RBM27: variants seen among roughly 807,000 people sequenced by gnomAD.
The protein encoded by RBM27 is RNA-binding protein 27.
RBM27 carries 22 observed loss-of-function variants against 135.3 expected under a neutral mutation model. That is an observed-to-expected ratio of 0.16 (90% confidence interval 0.12 to 0.23). The LOEUF (loss-of-function observed/expected upper bound fraction) is 0.23. Among genes scored for constraint, RBM27 ranks in the 10% least tolerant of loss-of-function variants. The pLI is 1.00. For missense variants in RBM27, 1,009 were observed against 1,281.0 expected, an observed-to-expected ratio of 0.79 and a Z score of 3.24; for synonymous variants, 481 against 442.4, an observed-to-expected ratio of 1.09 and a Z score of -1.10.
intron 1 of RBM27, among the ~76,000 whole-genome samples, chr5:146,214,610 TAAG>T (rs1261485990): frequency 2.0e-5 from 3 of 152,200 alleles, no homozygotes; most frequent in African/African-American, 7.2e-5. Flanking sequence ...GGTGAAAGAA[TAAG>T]AATAATTGTA....
chr5:146,264,616 C>T (rs1226075985), intron 14 of RBM27, among the ~76,000 whole-genome samples: 2 of 137,364 alleles, frequency 1.5e-5, no homozygotes, highest in African/African-American at 5.5e-5. Context: ...TATATCTATA[C>T]TATAACTCTT....
chr5:146,245,167 C>A (rs953537235), intron 8 of RBM27: 2 of 151,990 alleles, frequency 1.3e-5, no homozygotes, highest in Non-Finnish European at 2.9e-5. Flanking sequence ...GTATTTGGAC[C>A]CCTAATTTTT....
chr5:146,223,359 G>GT, intron 2 of RBM27, 44 bp from the exon 3 acceptor site: 1 of 1,547,164 alleles, frequency 6.5e-7, no homozygotes, highest in Non-Finnish European at 8.7e-7. Context: ...TCAAATTTTT[G>GT]TTTTTTGTTT....
chr5:146,250,321 G>A (rs945847878), intron 8 of RBM27, among the ~76,000 whole-genome samples: 2 of 150,906 alleles, frequency 1.3e-5, no homozygotes, highest in Admixed American at 6.6e-5. Flanking sequence ...GGCGCCTGTA[G>A]TCCCAGCTAC....
At chr5:146,242,286 T>C (rs1021707438) in intron 8 of RBM27, among the ~76,000 whole-genome samples, 17 of 152,250 alleles carry the variant, frequency 1.1e-4, no homozygotes, top group African/African-American at 2.4e-5. Flanking sequence ...CCCCCCCGTT[T>C]TGTTGTAGAC....
intron 6 of RBM27, 132 bp from the exon 7 acceptor site, chr5:146,233,318 C>T: frequency 7.1e-7 from 1 of 1,405,308 alleles, no homozygotes; most frequent in South Asian, 1.6e-5. Flanking sequence ...CAGAGTAACA[C>T]TGAGACTTTG....
Position 146,271,506 on chromosome 5 carries a change from T to G in RBM27, c.2820T>G (p.Pro940=). 1 of 1,613,166 alleles carries G rather than the reference T, an allele frequency of 6.2e-7. No homozygotes were observed. Among genetic ancestry groups the G allele is most frequent in the Non-Finnish European group, 8.5e-7 (1 of 1,179,270 alleles). ...QVEAARLGIL[P]VGRGKTMSSQ... is the part of the protein sequence containing the mutation. ...AGGCTGCACGGTTAGGTATTTTACC[T>G]GTGGGTCGAGGAAAGACCATGTCCT... Residue 940 remains proline, a synonymous_variant, in exon 19 of 21, where the codon CCT becomes CCG. Transcript: ENST00000265271.
At chr5:146,245,387 T>G (rs1757582712) in intron 8 of RBM27, 1 of 152,174 alleles carries the variant, frequency 6.6e-6, no homozygotes, top group African/African-American at 2.4e-5. Flanking sequence ...AGTAAAAATA[T>G]TTTGTAACTG....
intron 1 of RBM27, among the ~76,000 whole-genome samples, chr5:146,209,391 T>G (rs1197346062): frequency 1.3e-5 from 2 of 152,214 alleles, no homozygotes; most frequent in African/African-American, 4.8e-5. Flanking sequence ...TTTTTGTGAT[T>G]TCTGGCCATA....
chr5:146,224,085 A>T (rs1231080840), intron 3 of RBM27, among the ~76,000 whole-genome samples: 1 of 152,218 alleles, frequency 6.6e-6, no homozygotes, highest in Non-Finnish European at 1.5e-5. Flanking sequence ...CCTGTTATAT[A>T]CAGACAATAT....
intron 1 of RBM27, among the ~76,000 whole-genome samples, chr5:146,211,464 C>CTTTTTTTTTTTTTTTTTTTTTTTTTT (rs57117642): frequency 3.4e-4 from 17 of 49,932 alleles, no homozygotes; most frequent in Non-Finnish European, 4.5e-4. Context: ...ATGGTCTTAT[C>CTTTTTTTTTTTTTTTTTTTTTTTTTT]TTTTTTTTTT....
chr5:146,220,771 T>TTC (rs914201707), intron 2 of RBM27, among the ~76,000 whole-genome samples: 69 of 152,290 alleles, frequency 4.5e-4, no homozygotes, highest in African/African-American at 1.6e-3. Flanking sequence ...TACAGATGTT[T>TTC]TCTTTTCTAA....
At chr5:146,265,312 T>C (rs1008261311) in intron 14 of RBM27, among the ~76,000 whole-genome samples, 1 of 152,072 alleles carries the variant, frequency 6.6e-6, no homozygotes, top group Admixed American at 6.6e-5. Context: ...TATCAGAATA[T>C]ATTAAGTAAA....
chr5:146,227,986 A>G (rs1404213269), intron 3 of RBM27, among the ~76,000 whole-genome samples: 2 of 152,236 alleles, frequency 1.3e-5, no homozygotes, highest in Non-Finnish European at 2.9e-5. Flanking sequence ...TATATATTTC[A>G]TAATGAGGAA....
At chr5:146,249,138 T>C (rs1284250056) in intron 8 of RBM27, among the ~76,000 whole-genome samples, 1 of 151,978 alleles carries the variant, frequency 6.6e-6, no homozygotes, top group Admixed American at 6.6e-5. Context: ...TGCGCCACCA[T>C]GCATGGCTAA....
intron 2 of RBM27, among the ~76,000 whole-genome samples, chr5:146,219,695 C>G (rs34444119): frequency 0.21 from 31,816 of 151,790 alleles, 4,231 homozygotes; most frequent in Admixed American, 0.33. Flanking sequence ...CCAACTCAGG[C>G]CCTTTGAACT....
At chr5:146,257,524 C>T (rs140788487) in intron 10 of RBM27, among the ~76,000 whole-genome samples, 1 of 152,304 alleles carries the variant, frequency 6.6e-6, no homozygotes, top group African/African-American at 2.4e-5. Context: ...TATACTCTCT[C>T]TTCTCTTTCT....
At chr5:146,214,404 C>G (rs1756103139) in intron 1 of RBM27, among the ~76,000 whole-genome samples, 1 of 152,090 alleles carries the variant, frequency 6.6e-6, no homozygotes, top group Non-Finnish European at 1.5e-5. Context: ...AGTACTCTTC[C>G]TGAGTATGAG....
At chr5:146,267,809 G>A (rs745859238) in intron 15 of RBM27, 41 bp downstream of exon 15, 8 of 1,583,902 alleles carry the variant, frequency 5.1e-6, no homozygotes, top group Non-Finnish European at 6.9e-6. Flanking sequence ...AAGAAAAGAT[G>A]CCTTGAATTT....
Sources: gnomAD v4.1 joint callset for allele counts (sites outside exome capture counted in the v4.1 genomes callset) on GRCh38, gnomAD v4.1.1 for gene constraint, MANE v1.5 for transcripts, NCBI Gene and HGNC (gene_info 2026-07-23, HGNC 2026-07-21) for gene names.